Variants in MYT1L observed in about 807,000 individuals in gnomAD.
MYT1L encodes myelin transcription factor 1 like.
MYT1L carries 12 observed loss-of-function variants against 126.7 expected under a neutral mutation model. That is an observed-to-expected ratio of 0.09 (90% CI 0.06 to 0.15). MYT1L has a LOEUF of 0.15. MYT1L is among the 10% of genes least tolerant of loss of function. MYT1L has a pLI of 1.00. For missense variants in MYT1L, 979 were observed against 1,585.2 expected (o/e 0.62, Z 6.49); for synonymous variants, 541 against 604.2 (o/e 0.90, Z 1.53).
At chr2:1,891,401 T>C (rs902608743) in intron 15 of MYT1L, among the ~76,000 whole-genome samples, 3 of 152,168 alleles carry the variant, frequency 2.0e-5, no homozygotes, top group African/African-American at 7.2e-5. Flanking sequence ...GTCTCCCAGG[T>C]CTGTGCTGCA....
intron 2 of MYT1L, among the ~76,000 whole-genome samples, chr2:2,264,272 C>T (rs906037890): frequency 3.9e-5 from 6 of 152,128 alleles, no homozygotes; most frequent in African/African-American, 1.4e-4. Context: ...CTGCTTCCCA[C>T]TAATCCACAG....
chr2:1,807,566 G>C (rs1274751638), intron 22 of MYT1L, among the ~76,000 whole-genome samples: 1 of 152,174 alleles, frequency 6.6e-6, no homozygotes, highest in African/African-American at 2.4e-5. Flanking sequence ...GAAGAGGTTT[G>C]CAGGCTCCAT....
chr2:1,850,307 C>T (rs1268670582), intron 19 of MYT1L, among the ~76,000 whole-genome samples: 1 of 151,274 alleles, frequency 6.6e-6, no homozygotes, highest in East Asian at 1.9e-4. Context: ...AGCAGGAGGC[C>T]TCATCTGCGT....
At chr2:2,088,871 A>G (rs1487707234) in intron 3 of MYT1L, among the ~76,000 whole-genome samples, 1 of 152,236 alleles carries the variant, frequency 6.6e-6, no homozygotes, top group African/African-American at 2.4e-5. Flanking sequence ...TCAAACCATA[A>G]GAAAACAGCA....
chr2:2,106,788 A>G (rs905665743), intron 3 of MYT1L, among the ~76,000 whole-genome samples: 5 of 152,182 alleles, frequency 3.3e-5, no homozygotes, highest in African/African-American at 7.2e-5. Context: ...TGCATCCAGT[A>G]TCTTAGAGGC....
intron 3 of MYT1L, among the ~76,000 whole-genome samples, chr2:2,172,546 T>C (rs1459851826): frequency 1.3e-5 from 2 of 152,250 alleles, no homozygotes; most frequent in African/African-American, 2.4e-5. Context: ...GATGAAAGTA[T>C]TTACTCAAAG....
At chr2:1,869,786 A>C (rs2046048140) in intron 18 of MYT1L, among the ~76,000 whole-genome samples, 1 of 152,176 alleles carries the variant, frequency 6.6e-6, no homozygotes, top group Non-Finnish European at 1.5e-5. Context: ...TGAGGTTTGA[A>C]GAAAACCAAG....
chr2:2,049,743 T>C (rs2068604335), intron 4 of MYT1L, among the ~76,000 whole-genome samples: 1 of 152,134 alleles, frequency 6.6e-6, no homozygotes, highest in Admixed American at 6.5e-5. Context: ...TGAGATCTGA[T>C]GGTTTTATAA....
At chr2:2,233,563 C>A (rs903890447) in intron 2 of MYT1L, among the ~76,000 whole-genome samples, 3 of 152,124 alleles carry the variant, frequency 2.0e-5, no homozygotes, top group Admixed American at 6.5e-5. Context: ...GTGTCCCTGG[C>A]ACAGAAGGAA....
At chr2:1,844,393 G>T (rs2148448654) in intron 19 of MYT1L, among the ~76,000 whole-genome samples, 1 of 152,270 alleles carries the variant, frequency 6.6e-6, no homozygotes. Context: ...TAGGAGCAAT[G>T]GAATTAGAAC....
intron 4 of MYT1L, among the ~76,000 whole-genome samples, chr2:2,015,001 A>G (rs373431566): frequency 1.9e-4 from 29 of 152,342 alleles, no homozygotes; most frequent in African/African-American, 6.3e-4. Flanking sequence ...GGAGTGACAC[A>G]GCGTTAAAAT....
intron 2 of MYT1L, among the ~76,000 whole-genome samples, chr2:2,223,104 C>A (rs557154216): frequency 2.6e-3 from 401 of 152,304 alleles, no homozygotes; most frequent in South Asian, 6.8e-3. Flanking sequence ...AGCAAGTGAA[C>A]TGCAGAGCTG....
At chr2:1,830,675 T>C (rs6722698) in intron 21 of MYT1L, among the ~76,000 whole-genome samples, 67,526 of 152,024 alleles carry the variant, frequency 0.44, 16,859 homozygotes, top group African/African-American at 0.68. Context: ...TGAGGCAGCT[T>C]GGGATGGCTA....
chr2:2,325,393 GTC>G (rs1199463629), intron 1 of MYT1L: 11 of 152,068 alleles, frequency 7.2e-5, no homozygotes, highest in Non-Finnish European at 1.5e-4. Context: ...GAAACTACTT[GTC>G]TAAGAAAGTT....
Position 2,209,283 on chromosome 2 carries a change from T to C in MYT1L, c.-420-36295A>G, listed in dbSNP as rs930761059. Among the ~76,000 whole-genome samples the C allele has an allele frequency of 3.3e-5, 5 of 152,334 alleles. No homozygotes were observed. In the South Asian group the frequency reaches 1.0e-3, roughly 32 times the overall value. ...TCATACTCTTTTAGCTATTTTTAAG[T>C]GTGCAGTTAAATTATTATTGACTAT... is the stretch of plus-strand genomic sequence containing the variant. On this transcript the variant is annotated intron_variant, in intron 2 of 24. Coordinates refer to ENST00000647738, the MANE Select transcript of MYT1L (RefSeq NM_001303052.2).
intron 3 of MYT1L, among the ~76,000 whole-genome samples, chr2:2,132,619 T>C (rs1030783823): frequency 6.6e-6 from 1 of 152,000 alleles, no homozygotes; most frequent in African/African-American, 2.4e-5. Context: ...AAATATCCAA[T>C]GCATGCGGGG....
intron 11 of MYT1L, among the ~76,000 whole-genome samples, chr2:1,916,087 C>T (rs2052782950): frequency 6.6e-6 from 1 of 152,090 alleles, no homozygotes; most frequent in Non-Finnish European, 1.5e-5. Context: ...GCTCTTCAGG[C>T]TTGTTCACAA....
At chr2:1,853,442 C>G (rs1174626835) in intron 18 of MYT1L, among the ~76,000 whole-genome samples, 1 of 148,880 alleles carries the variant, frequency 6.7e-6, no homozygotes, top group Non-Finnish European at 1.5e-5. Flanking sequence ...CAGTCAGTTG[C>G]TAAGTAATTA....
chr2:1,851,165 G>T (rs1330443408), intron 19 of MYT1L, among the ~76,000 whole-genome samples: 1 of 152,084 alleles, frequency 6.6e-6, no homozygotes, highest in East Asian at 1.9e-4. Context: ...CTTTTTGGGA[G>T]AGACAGTGCC....
Sources: gnomAD v4.1 joint callset for allele counts (sites outside exome capture counted in the v4.1 genomes callset) on GRCh38, gnomAD v4.1.1 for gene constraint, MANE v1.5 for transcripts, NCBI Gene and HGNC (gene_info 2026-07-23, HGNC 2026-07-21) for gene names.